Variants in BANP observed in about 807,000 individuals in gnomAD.
The protein encoded by BANP is BTG3 associated nuclear protein, also known as protein BANP.
Under a neutral mutation model 68.1 loss-of-function variants are expected in BANP, and 11 were observed. The ratio of observed to expected loss-of-function variants is 0.16; its 90% CI spans 0.10 to 0.27. BANP has a LOEUF of 0.27. Among genes scored for constraint, BANP ranks in the 10% least tolerant of loss-of-function variants. BANP has a pLI of 1.00. For missense variants in BANP, 504 were observed against 722.7 expected (o/e 0.70, Z 3.47); for synonymous variants, 329 against 303.2 (o/e 1.09, Z -0.88).
intron 1 of BANP, among the ~76,000 whole-genome samples, chr16:87,965,014 T>C (rs1333634593): frequency 6.6e-6 from 1 of 152,004 alleles, no homozygotes; most frequent in Non-Finnish European, 1.5e-5. Context: ...GCTGGCAGGG[T>C]GATAGGCGCC....
At chr16:87,975,473 C>A (rs1597975670) in intron 2 of BANP, among the ~76,000 whole-genome samples, 1 of 152,326 alleles carries the variant, frequency 6.6e-6, no homozygotes, top group East Asian at 1.9e-4. Flanking sequence ...CTCTCCCCTG[C>A]CGCGTCCCTG....
In BANP at chr16:87,975,109, G is replaced by C. The variant is rs774944861; in HGVS notation, c.-7G>C. On this transcript the variant is annotated 5_prime_UTR_variant, in exon 2 of 14. Transcript: ENST00000682872. The stretch of plus-strand genomic sequence containing the variant: ...TTCGTGTTGACCGGCCACTCTCCGT[G>C]CTCTGGATGATGTCGGAACACGACC... 6.2e-7 allele frequency: 1 copy of C among 1,607,918 alleles called. No homozygotes were observed. The highest frequency in any genetic ancestry group is 1.3e-5 in the African/African-American group (1 of 74,856).
At chr16:88,028,447 G>T (rs1327507257) in intron 8 of BANP, among the ~76,000 whole-genome samples, 1 of 152,240 alleles carries the variant, frequency 6.6e-6, no homozygotes, top group Non-Finnish European at 1.5e-5. Flanking sequence ...CGGACTTCAG[G>T]AAGTGGTTTT....
At chr16:87,972,241 G>A (rs570407698) in intron 1 of BANP, among the ~76,000 whole-genome samples, 33 of 151,870 alleles carry the variant, frequency 2.2e-4, no homozygotes, top group African/African-American at 7.7e-4. Flanking sequence ...AGGCACCATT[G>A]TGTTTATTTG....
intron 11 of BANP, among the ~76,000 whole-genome samples, chr16:88,040,911 C>A (rs1334713685): frequency 6.6e-6 from 1 of 152,230 alleles, no homozygotes; most frequent in African/African-American, 2.4e-5. Flanking sequence ...CCTTCTGATT[C>A]CCTAGTTCCA....
chr16:88,025,695 C>T (rs1220546276), intron 7 of BANP, among the ~76,000 whole-genome samples: 1 of 152,096 alleles, frequency 6.6e-6, no homozygotes, highest in Non-Finnish European at 1.5e-5. Flanking sequence ...ACTTTTGATA[C>T]CTAATCGAGT....
intron 4 of BANP, among the ~76,000 whole-genome samples, chr16:87,984,812 G>C (rs1337186906): frequency 1.3e-5 from 2 of 152,246 alleles, no homozygotes; most frequent in African/African-American, 4.8e-5. Flanking sequence ...CTTCCTGTCA[G>C]ATATTCCAGC....
chr16:87,999,845 T>TCCAGACAC (rs2068641418), intron 4 of BANP, among the ~76,000 whole-genome samples: 1 of 44,534 alleles, frequency 2.2e-5, no homozygotes, highest in Non-Finnish European at 4.2e-5. Context: ...TACCTGTCCT[T>TCCAGACAC]CCAGACACGT....
rs1049594697 is a variant in BANP at position 87,957,122 on chromosome 16, T to C, written c.-69+5607T>C. The C allele has an allele frequency of 6.6e-6, 1 of 152,222 alleles. No individual in the cohort carries two copies. Among genetic ancestry groups the C allele is most frequent in the Non-Finnish European group, 1.5e-5 (1 of 68,042 alleles). 9.4% of individuals were successfully genotyped at this position (152,222 alleles called of 1,614,324 possible). ...CTTCGTCAAGAACCGTCCAATTTGATTAAACATTCTGGATCGTCAGCGTTC... is the reference window on the plus strand; with the variant it reads ...CTTCGTCAAGAACCGTCCAATTTGACTAAACATTCTGGATCGTCAGCGTTC... On this transcript the variant is annotated intron_variant, in intron 1 of 13. Transcript: ENST00000682872. This position sits in a 1 kb window ranked among gnomAD's most constrained non-coding sequence, Gnocchi z 4.3.
chr16:88,004,476 A>T lies in BANP; in HGVS notation c.479+65A>T. 2 of 933,804 alleles carry T rather than the reference A, an allele frequency of 2.1e-6. No individual in the cohort carries two copies. The highest frequency in any genetic ancestry group is 3.3e-5 in the South Asian group (2 of 60,366). The allele number at this position is 933,804 out of a possible 1,614,324, so 57.8% of individuals were successfully genotyped here. A position where few individuals can be genotyped will look rare whatever the true frequency, so the allele number is the denominator to read the frequency against. On this transcript the variant is annotated intron_variant, in intron 5 of 13. Coordinates refer to ENST00000682872, the MANE Select transcript of BANP (RefSeq NM_001386991.1). This position sits in a 1 kb window ranked among gnomAD's most constrained non-coding sequence, Gnocchi z 7.0. ...GTGCGGAGTCCCATGAGAATAAGTC[A>T]ACGTCCCTAAGCCAGGGCACAGTCC...
At chr16:88,020,426 G>C (rs1017170369) in intron 7 of BANP, among the ~76,000 whole-genome samples, 4 of 152,230 alleles carry the variant, frequency 2.6e-5, no homozygotes, top group Admixed American at 6.5e-5. Context: ...GGGTTGCTTC[G>C]TGCTGGTGCT....
intron 6 of BANP, among the ~76,000 whole-genome samples, chr16:88,015,080 C>T (rs2074180284): frequency 7.1e-6 from 1 of 141,674 alleles, no homozygotes; most frequent in Non-Finnish European, 1.5e-5. Context: ...TGCTCGTCTC[C>T]TCTGCCTGTC....
At chr16:87,967,825 G>A (rs1360601896) in intron 1 of BANP, among the ~76,000 whole-genome samples, 1 of 151,792 alleles carries the variant, frequency 6.6e-6, no homozygotes, top group Non-Finnish European at 1.5e-5. Context: ...GTTTCACCAT[G>A]TTGGTTAGGC....
At chr16:88,010,355 G>A (rs2072691140) in intron 6 of BANP, among the ~76,000 whole-genome samples, 2 of 152,222 alleles carry the variant, frequency 1.3e-5, no homozygotes, top group Admixed American at 1.3e-4. Flanking sequence ...GTGGGGGAAG[G>A]ATTGTGGTTG....
In BANP at chr16:88,036,414, G is replaced by A. The variant is rs932257843; in HGVS notation, c.1272+1020G>A. Among the ~76,000 whole-genome samples the A allele has an allele frequency of 1.9e-4, 29 of 152,182 alleles. No individual in the cohort carries two copies. Among genetic ancestry groups the A allele is most frequent in the African/African-American group, 7.0e-4 (29 of 41,432 alleles). ...GCAGGTGCTGTGGGGGAGCAGAGGA[G>A]AGAGAAGCCCTGCCATCGGGGACTC... On this transcript the variant is annotated intron_variant, in intron 10 of 13. Coordinates refer to ENST00000682872, the MANE Select transcript of BANP (RefSeq NM_001386991.1). The surrounding 1 kb of genome is among the most constrained non-coding windows in gnomAD (Gnocchi z 4.2).
At chr16:88,031,076 C>G (rs144330643) in intron 8 of BANP, among the ~76,000 whole-genome samples, 1 of 152,192 alleles carries the variant, frequency 6.6e-6, no homozygotes, top group Admixed American at 6.5e-5. Context: ...CTGGGGTGCA[C>G]AAGGCTTGCT....
chr16:88,071,930 G>A lies in BANP; in HGVS notation c.1378-139G>A. On this transcript the variant is annotated intron_variant, in intron 12 of 13. Transcript: ENST00000682872. This position sits in a 1 kb window ranked among gnomAD's most constrained non-coding sequence, Gnocchi z 6.5. ...GACAGGATGTGCCGCAGAGTCCTCG[G>A]TGTGGCCCTGAGGCCGTGTCCCTGC... 1 of 1,108,594 alleles carries A rather than the reference G, an allele frequency of 9.0e-7. No homozygotes were observed. The highest frequency in any genetic ancestry group is 1.3e-6 in the Non-Finnish European group (1 of 759,398). 68.7% of individuals were successfully genotyped at this position (1,108,594 alleles called of 1,614,324 possible). A position where few individuals can be genotyped will look rare whatever the true frequency, so the allele number is the denominator to read the frequency against.
At chr16:88,029,542 C>T (rs1196511711) in intron 8 of BANP, among the ~76,000 whole-genome samples, 4 of 147,282 alleles carry the variant, frequency 2.7e-5, no homozygotes, top group Admixed American at 7.0e-5. Context: ...ACCTGGGAGG[C>T]GGAGCTTGCA....
chr16:88,038,451 C>T (rs1236019325), intron 11 of BANP, among the ~76,000 whole-genome samples: 7 of 152,278 alleles, frequency 4.6e-5, no homozygotes, highest in East Asian at 3.9e-4. Flanking sequence ...TGCGCTATGG[C>T]GGAAACGTGC....
Sources: gnomAD v4.1 joint callset for allele counts (sites outside exome capture counted in the v4.1 genomes callset) on GRCh38, gnomAD v4.1.1 for gene constraint, Gnocchi (gnomAD v3.1) non-coding constraint, MANE v1.5 for transcripts, NCBI Gene and HGNC (gene_info 2026-07-23, HGNC 2026-07-21) for gene names.